The following ZCCHC4 variants were observed in gnomAD, a reference collection of about 807,000 sequenced individuals.
ZCCHC4 encodes rRNA N(6)-adenosine-methyltransferase ZCCHC4.
ZCCHC4 carries 54 observed loss-of-function variants against 67.7 expected under a neutral mutation model. The ratio of observed to expected loss-of-function variants is 0.80; its 90% CI spans 0.64 to 1.00. The LOEUF (loss-of-function observed/expected upper bound fraction) is 1.00. Ranked by LOEUF, ZCCHC4 falls within the 50% of genes least tolerant of loss-of-function variation. ZCCHC4 has a pLI of 0.00. For synonymous variants in ZCCHC4, 198 were observed against 213.5 expected, an observed-to-expected ratio of 0.93 and a Z score of 0.63; for missense variants, 609 against 617.0, an observed-to-expected ratio of 0.99 and a Z score of 0.14.
At chr4:25,354,234 C>T (rs1720425621) in intron 8 of ZCCHC4, among the ~76,000 whole-genome samples, 2 of 152,172 alleles carry the variant, frequency 1.3e-5, no homozygotes, top group Non-Finnish European at 1.5e-5. Flanking sequence ...GTTAGGCAGT[C>T]TGTGTTACTA....
Position 25,365,021 on chromosome 4 carries a change from G to A in ZCCHC4, c.1262-1G>A. 6.2e-7 allele frequency: 1 copy of A among 1,612,658 alleles called. No individual in the cohort carries two copies. ...TTTAAAACTTAATTTTTATTTTACAGCCTGGATCCACTGTAGCATCTGCAA... is the reference window on the plus strand; with the variant it reads ...TTTAAAACTTAATTTTTATTTTACAACCTGGATCCACTGTAGCATCTGCAA... On this transcript the variant is annotated splice_acceptor_variant, in intron 11 of 12. Coordinates refer to ENST00000302874, the MANE Select transcript of ZCCHC4 (RefSeq NM_024936.3). LOFTEE classifies it high-confidence loss of function.
At chr4:25,325,992 C>T (rs185176555) in intron 3 of ZCCHC4, among the ~76,000 whole-genome samples, 184 of 152,316 alleles carry the variant, frequency 1.2e-3, no homozygotes, top group African/African-American at 3.9e-3. Flanking sequence ...TGATTTGGCA[C>T]CTGCATTAGT....
intron 3 of ZCCHC4, among the ~76,000 whole-genome samples, chr4:25,321,518 T>A (rs10084799): frequency 6.6e-6 from 1 of 151,170 alleles, no homozygotes; most frequent in African/African-American, 2.4e-5. Context: ...GATTACAGGC[T>A]CCCGCCACCA....
chr4:25,361,936 C>T lies in ZCCHC4; in HGVS notation c.1089C>T (p.Asn363=), dbSNP rs771928684. The T allele has an allele frequency of 8.7e-6, 14 of 1,614,104 alleles. No homozygotes were observed. In the Admixed American group the frequency reaches 2.3e-4, roughly 27 times the overall value. Residue 363 remains asparagine, a synonymous_variant, in exon 9 of 13, where the codon AAC becomes AAT. Transcript: ENST00000302874. ...AGTCTCCCGTGCGTATTTTCACCAA[C>T]ATTCCGCCCAACAAAATAATCCTTC... The part of the protein sequence containing the change: ...RKQSPVRIFT[N]IPPNKIILPT...
intron 5 of ZCCHC4, among the ~76,000 whole-genome samples, chr4:25,342,874 C>T (rs907134539): frequency 1.3e-5 from 2 of 152,042 alleles, no homozygotes; most frequent in Non-Finnish European, 2.9e-5. Context: ...TTCTCTATTC[C>T]TCTGCACACT....
At chr4:25,313,972 C>A in intron 1 of ZCCHC4, 74 bp from the exon 2 acceptor site, 1 of 834,948 alleles carries the variant, frequency 1.2e-6, no homozygotes, top group Non-Finnish European at 1.9e-6. Flanking sequence ...TATTTAAGGG[C>A]AGCGAAAACT....
chr4:25,337,923 T>C (rs1719539435), intron 5 of ZCCHC4, among the ~76,000 whole-genome samples: 1 of 152,208 alleles, frequency 6.6e-6, no homozygotes, highest in South Asian at 2.1e-4. Flanking sequence ...AAAGAACTTG[T>C]TAAAATTGCA....
At chr4:25,364,889 A>G in intron 11 of ZCCHC4, 133 bp from the exon 12 acceptor site, 1 of 1,261,630 alleles carries the variant, frequency 7.9e-7, no homozygotes, top group Non-Finnish European at 1.1e-6. Context: ...CTCTTTAGCC[A>G]AACTAAAACT....
intron 8 of ZCCHC4, among the ~76,000 whole-genome samples, chr4:25,353,196 G>A (rs1720380386): frequency 6.6e-6 from 1 of 151,926 alleles, no homozygotes. Context: ...TAACACTGCT[G>A]TAAACACCTT....
chr4:25,353,412 A>G (rs1720392123), intron 8 of ZCCHC4, among the ~76,000 whole-genome samples: 2 of 152,218 alleles, frequency 1.3e-5, no homozygotes, highest in African/African-American at 4.8e-5. Context: ...AGTCTTCTCA[A>G]AGCTCATTTA....
At chr4:25,318,319 C>T (rs1470895195) in intron 3 of ZCCHC4, among the ~76,000 whole-genome samples, 4 of 136,100 alleles carry the variant, frequency 2.9e-5, no homozygotes, top group Non-Finnish European at 4.8e-5. Flanking sequence ...GGAGCTAAAC[C>T]ACTGTTCTTT....
chr4:25,338,898 A>T (rs539369720), intron 5 of ZCCHC4, among the ~76,000 whole-genome samples: 82 of 152,330 alleles, frequency 5.4e-4, no homozygotes, highest in Middle Eastern at 3.4e-3. Flanking sequence ...AGGTTTTCAG[A>T]TCTCTTGGGT....
At chr4:25,352,966 T>G (rs2109084835) in intron 8 of ZCCHC4, among the ~76,000 whole-genome samples, 1 of 152,374 alleles carries the variant, frequency 6.6e-6, no homozygotes, top group Middle Eastern at 3.4e-3. Context: ...CACTGTACTT[T>G]CAAAGTGTTC....
intron 3 of ZCCHC4, among the ~76,000 whole-genome samples, chr4:25,315,661 C>T (rs1054166813): frequency 4.0e-5 from 6 of 151,746 alleles, no homozygotes; most frequent in Non-Finnish European, 5.9e-5. Flanking sequence ...TGCTGTAACT[C>T]CTCATTCTAC....
At chr4:25,330,647 GA>G (rs1553896609) in intron 3 of ZCCHC4, among the ~76,000 whole-genome samples, 1 of 152,188 alleles carries the variant, frequency 6.6e-6, no homozygotes, top group Non-Finnish European at 1.5e-5. Flanking sequence ...TGCTTTTGAA[GA>G]CTTGTCTTTA....
intron 3 of ZCCHC4, among the ~76,000 whole-genome samples, chr4:25,331,159 T>C (rs1261242821): frequency 6.6e-6 from 1 of 152,194 alleles, no homozygotes; most frequent in Non-Finnish European, 1.5e-5. Context: ...TCTGTTCCCT[T>C]CCCTCGGGGT....
chr4:25,362,041 A>G (rs1235713969), intron 9 of ZCCHC4, 61 bp downstream of exon 9: 3 of 1,561,206 alleles, frequency 1.9e-6, no homozygotes, highest in African/African-American at 2.7e-5. Flanking sequence ...ACATATATCC[A>G]TCAGTCAAAT....
Position 25,312,824 on chromosome 4 carries a change from G to A in ZCCHC4, c.15G>A (p.Arg5=). The A allele has an allele frequency of 1.2e-6, 2 of 1,613,300 alleles. No individual in the cohort carries two copies. The highest frequency in any genetic ancestry group is 1.7e-6 in the Non-Finnish European group (2 of 1,180,018). MAAS[R]NGFEAVEAEG... ...GCGGCGGGAAGATGGCGGCCTCCAG[G>A]AATGGGTTTGAAGCCGTGGAGGCAG... The change falls in exon 1 of 13, where the codon AGG becomes AGA. Residue 5 remains arginine (R), a synonymous_variant. Transcript: ENST00000302874.
intron 8 of ZCCHC4, among the ~76,000 whole-genome samples, chr4:25,356,278 A>G (rs1720514286): frequency 6.6e-6 from 1 of 152,186 alleles, no homozygotes; most frequent in South Asian, 2.1e-4. Context: ...CTCTACTACT[A>G]GTGATAGGCA....
Sources: gnomAD v4.1 joint callset for allele counts (sites outside exome capture counted in the v4.1 genomes callset) on GRCh38, gnomAD v4.1.1 for gene constraint, MANE v1.5 for transcripts, NCBI Gene and HGNC (gene_info 2026-07-23, HGNC 2026-07-21) for gene names.